Variants in NFIB observed in about 807,000 individuals in gnomAD.
NFIB encodes nuclear factor I B, also known as nuclear factor 1 B-type.
A neutral mutation model predicts 61.5 loss-of-function variants in NFIB; 11 were observed. That is an observed-to-expected ratio of 0.18 (90% CI 0.11 to 0.30). NFIB has a LOEUF of 0.30. NFIB is among the 10% of genes least tolerant of loss of function. The pLI is 1.00. For missense variants in NFIB, 471 were observed against 608.9 expected, an observed-to-expected ratio of 0.77 and a Z score of 2.38; for synonymous variants, 260 against 216.5, an observed-to-expected ratio of 1.20 and a Z score of -1.76.
chr9:14,114,326 C>T (rs1244149663), intron 9 of NFIB, among the ~76,000 whole-genome samples: 4 of 152,122 alleles, frequency 2.6e-5, no homozygotes, highest in African/African-American at 7.2e-5. Flanking sequence ...CACAGACAGC[C>T]GGAGATGAGC....
chr9:14,332,138 GC>G (rs2060828891), intron 1 of NFIB, among the ~76,000 whole-genome samples: 3 of 151,980 alleles, frequency 2.0e-5, no homozygotes. Context: ...TTAGAGACCA[GC>G]CTGGCCAACA....
At chr9:14,276,387 TA>T (rs1187987171) in intron 2 of NFIB, among the ~76,000 whole-genome samples, 1 of 152,212 alleles carries the variant, frequency 6.6e-6, no homozygotes, top group Non-Finnish European at 1.5e-5. Flanking sequence ...GTATGAGGTA[TA>T]ACTTAAACAG....
intron 8 of NFIB, among the ~76,000 whole-genome samples, chr9:14,117,741 CAG>C (rs990906177): frequency 9.7e-4 from 148 of 152,108 alleles, no homozygotes; most frequent in African/African-American, 3.4e-3. Context: ...GAAAATTGAC[CAG>C]AGTTTTCCAA....
chr9:14,169,704 G>A (rs894969406), intron 3 of NFIB, among the ~76,000 whole-genome samples: 3 of 152,168 alleles, frequency 2.0e-5, no homozygotes, highest in Admixed American at 1.3e-4. Flanking sequence ...TGTAGTCCCA[G>A]CTACTCAGGA....
chr9:14,303,339 A>G (rs1296363089), intron 2 of NFIB, among the ~76,000 whole-genome samples: 1 of 152,196 alleles, frequency 6.6e-6, no homozygotes, highest in Non-Finnish European at 1.5e-5. Flanking sequence ...GGACACTTAC[A>G]TCCCAGGAAG....
At chr9:14,231,135 AATATATATATATATATATAT>A (rs1554681460) in intron 2 of NFIB, among the ~76,000 whole-genome samples, 1 of 35,344 alleles carries the variant, frequency 2.8e-5, no homozygotes, top group Admixed American at 3.5e-4. Context: ...AAAAAAAAAA[AATATATATATATATATATAT>A]ATATATATAT....
intron 1 of NFIB, among the ~76,000 whole-genome samples, chr9:14,376,163 T>G (rs1453544846): frequency 1.3e-5 from 2 of 152,178 alleles, no homozygotes; most frequent in African/African-American, 4.8e-5. Flanking sequence ...TGGGCTCAAG[T>G]GATCCTCCCA....
At chr9:14,451,214 T>A in the NFIB span, among the ~76,000 whole-genome samples, 2 of 152,246 alleles carry the variant, frequency 1.3e-5, no homozygotes, top group Admixed American at 6.5e-5. Context: ...AGTCACTTTA[T>A]AATTTTTCAG....
intron 1 of NFIB, among the ~76,000 whole-genome samples, chr9:14,388,905 G>A (rs1470575878): frequency 6.6e-6 from 1 of 152,170 alleles, no homozygotes; most frequent in East Asian, 1.9e-4. Flanking sequence ...ATGGTTTCAA[G>A]CCTGGATGTA....
At chr9:14,141,642 T>C (rs988589703) in intron 6 of NFIB, among the ~76,000 whole-genome samples, 2 of 152,294 alleles carry the variant, frequency 1.3e-5, no homozygotes, top group African/African-American at 2.4e-5. Context: ...CAATATAATA[T>C]AGACATTTGA....
chr9:14,498,617 A>G, the NFIB span, among the ~76,000 whole-genome samples: 2 of 152,174 alleles, frequency 1.3e-5, no homozygotes, highest in African/African-American at 4.8e-5. Flanking sequence ...CCGCGGCATA[A>G]ACTTCAGAGG....
In NFIB at chr9:14,398,925, A is replaced by G. The variant is rs73419690; in HGVS notation, c.-294T>C. The stretch of plus-strand genomic sequence containing the variant: ...TTAGATCGGTGTCAGCTCAACAGTG[A>G]TATTCTATGAAGTCATTCAGTGTAG... On this transcript the variant is annotated 5_prime_UTR_variant, in exon 1 of 9. Transcript: ENST00000380934. The G allele has an allele frequency of 9.3e-3, 2,920 of 314,778 alleles. 90 individuals are homozygous for G. The highest frequency in any genetic ancestry group is 0.053 in the African/African-American group (2,507 of 46,916). The allele number at this position is 314,778 out of a possible 1,614,324, so 19.5% of individuals were successfully genotyped here.
intron 2 of NFIB, among the ~76,000 whole-genome samples, chr9:14,286,091 T>C (rs907751988): frequency 6.6e-5 from 10 of 152,222 alleles, no homozygotes; most frequent in Admixed American, 2.6e-4. Context: ...ACATGTTCAC[T>C]GCAAAACCTG....
At chr9:14,489,072 A>AG in the NFIB span, among the ~76,000 whole-genome samples, 1 of 101,602 alleles carries the variant, frequency 9.8e-6, no homozygotes, top group Non-Finnish European at 1.8e-5. Context: ...AAAATGTTCC[A>AG]TAAAGTTCAT....
intron 1 of NFIB, among the ~76,000 whole-genome samples, chr9:14,393,450 A>G (rs1176583470): frequency 6.6e-6 from 1 of 152,150 alleles, no homozygotes; most frequent in East Asian, 1.9e-4. Context: ...TGCTTTGAGT[A>G]CTGGAAGCAC....
At chr9:14,227,957 C>T (rs1209078886) in intron 2 of NFIB, among the ~76,000 whole-genome samples, 1 of 152,036 alleles carries the variant, frequency 6.6e-6, no homozygotes, top group Non-Finnish European at 1.5e-5. Context: ...TTTTTATATA[C>T]TTCAACATCA....
At chr9:14,510,590 G>C in the NFIB span, among the ~76,000 whole-genome samples, 2 of 152,134 alleles carry the variant, frequency 1.3e-5, no homozygotes, top group South Asian at 4.1e-4. Context: ...ATTTCATAGG[G>C]TAGTTTCAAC....
the NFIB span, among the ~76,000 whole-genome samples, chr9:14,471,736 C>A: frequency 2.6e-5 from 4 of 152,138 alleles, no homozygotes; most frequent in African/African-American, 9.7e-5. Flanking sequence ...GGAACTCATC[C>A]GGGAAGTTTA....
chr9:14,097,914 C>T (rs1464095527), intron 10 of NFIB, among the ~76,000 whole-genome samples: 2 of 132,820 alleles, frequency 1.5e-5, no homozygotes, highest in African/African-American at 5.6e-5. Context: ...TCCTGACCAA[C>T]CAGATCCAAA....
Sources: allele counts gnomAD v4.1 joint callset (sites outside exome capture counted in the v4.1 genomes callset), GRCh38; gene constraint gnomAD v4.1.1; transcripts MANE v1.5; gene names NCBI Gene and HGNC (gene_info 2026-07-23, HGNC 2026-07-21).